ZNF827: variants seen among roughly 807,000 people sequenced by gnomAD.
ZNF827 encodes the protein zinc finger protein 827.
Under a neutral mutation model 102.4 loss-of-function variants are expected in ZNF827, and 13 were observed. The ratio of observed to expected loss-of-function variants is 0.13; its 90% confidence interval spans 0.08 to 0.20. ZNF827 has a LOEUF of 0.20. Among genes scored for constraint, ZNF827 ranks in the 10% least tolerant of loss-of-function variants. ZNF827 has a pLI of 1.00. For synonymous variants in ZNF827, 523 were observed against 536.2 expected (o/e 0.98, Z 0.34); for missense variants, 1,103 against 1,344.4 (o/e 0.82, Z 2.81).
At position 145,891,952 on chromosome 4, in the gene ZNF827, G is replaced by A. The variant is rs11727355; in HGVS notation, c.1266+291C>T. Among the ~76,000 whole-genome samples, 665 of 152,304 alleles carry A rather than the reference G, an allele frequency of 4.4e-3. 3 individuals carry two copies. Among genetic ancestry groups the A allele is most frequent in the Non-Finnish European group, 6.4e-3 (433 of 68,024 alleles). ...TGCCTCTGAGTGCCCCAAGAAATGC[G>A]TCAGCACACAGGCCAGGCAGGCTGT... On this transcript the variant is annotated intron_variant, in intron 3 of 14. Coordinates refer to ENST00000508784, the MANE Select transcript of ZNF827 (RefSeq NM_001306215.2).
chr4:145,918,919 A>G (rs1182120072), intron 1 of ZNF827, among the ~76,000 whole-genome samples: 1 of 152,194 alleles, frequency 6.6e-6, no homozygotes, highest in East Asian at 1.9e-4. Flanking sequence ...TTATCCAATC[A>G]TCTTACTGGG....
intron 5 of ZNF827, among the ~76,000 whole-genome samples, chr4:145,860,900 C>T (rs538707629): frequency 9.0e-4 from 137 of 152,312 alleles, no homozygotes; most frequent in African/African-American, 3.2e-3. Flanking sequence ...AATTTCTATT[C>T]TTGGGCTAAT....
chr4:145,902,623 G>A lies in ZNF827; in HGVS notation c.636C>T (p.Ile212=). The A allele has an allele frequency of 6.2e-7, 1 of 1,614,104 alleles. No individual in the cohort carries two copies. The highest frequency in any genetic ancestry group is 8.5e-7 in the Non-Finnish European group (1 of 1,180,016). ...CATTGGCTGCAGCTTTCAGTTTTAG[G>A]ATGGCTGAATCCGGAGACAAGCTGC... is the stretch of plus-strand genomic sequence containing the variant. The part of the protein sequence containing the change: ...TTCSLSPDSA[I]LKLKAAANAV... The change falls in exon 2 of 15, where the codon ATC becomes ATT. Residue 212 remains isoleucine, a synonymous_variant. Coordinates refer to ENST00000508784, the MANE Select transcript of ZNF827 (RefSeq NM_001306215.2). This position sits in a 1 kb window ranked among gnomAD's most constrained non-coding sequence, Gnocchi z 4.3.
intron 8 of ZNF827, among the ~76,000 whole-genome samples, chr4:145,793,419 G>A (rs773965802): frequency 1.8e-5 from 2 of 112,378 alleles, no homozygotes; most frequent in Non-Finnish European, 3.8e-5. Flanking sequence ...GAGGACCAAG[G>A]AGAGCCAGTC....
At chr4:145,917,857 A>G (rs1012609387) in intron 1 of ZNF827, among the ~76,000 whole-genome samples, 2 of 152,092 alleles carry the variant, frequency 1.3e-5, no homozygotes, top group African/African-American at 2.4e-5. Flanking sequence ...GAATAAAAAC[A>G]CCACTTCTTT....
chr4:145,932,727 G>T (rs1753904737), intron 1 of ZNF827, among the ~76,000 whole-genome samples: 1 of 152,168 alleles, frequency 6.6e-6, no homozygotes, highest in Non-Finnish European at 1.5e-5. Flanking sequence ...ACCCGCCTCG[G>T]CCTCCCAAAG....
intron 7 of ZNF827, among the ~76,000 whole-genome samples, chr4:145,828,885 G>T (rs1317907954): frequency 6.6e-6 from 1 of 152,142 alleles, no homozygotes; most frequent in African/African-American, 2.4e-5. Flanking sequence ...TTTGCTAAGT[G>T]CCTATTGTGA....
intron 7 of ZNF827, among the ~76,000 whole-genome samples, chr4:145,837,870 T>TACC (rs369499741): frequency 9.2e-4 from 139 of 151,830 alleles, no homozygotes; most frequent in African/African-American, 2.8e-3. Context: ...TATCACCCCT[T>TACC]ACAAGACCTC....
Position 145,869,973 on chromosome 4 carries a change from A to C in ZNF827, c.1981+272T>G, listed in dbSNP as rs140076216. ...TAGAACCCATTTAAAATTATGGCCT[A>C]TATCACCTTAGAAAGCAGCAGTGGT... On this transcript the variant is annotated intron_variant, in intron 5 of 14. Transcript: ENST00000508784. Among the ~76,000 whole-genome samples, 931 of 152,326 alleles carry C rather than the reference A, an allele frequency of 6.1e-3. 5 individuals are homozygous for C. The highest frequency in any genetic ancestry group is 0.021 in the African/African-American group (854 of 41,574).
chr4:145,903,178 A>C lies in ZNF827; in HGVS notation c.81T>G (p.Ser27Arg). 1.2e-6 allele frequency: 2 copies of C among 1,613,484 alleles called. No homozygotes were observed. The highest frequency in any genetic ancestry group is 1.7e-6 in the Non-Finnish European group (2 of 1,179,526). Residue 27 changes from serine to arginine, a missense_variant, in exon 2 of 15, where the codon AGT becomes AGG. By Grantham distance (110) the Ser-to-Arg change is moderately radical. Around this residue, in one of 5 missense-constraint regions of ZNF827, gnomAD observed 441 missense variants for 458.6 expected, o/e 0.96. Transcript: ENST00000508784. ...SRQEEAEGEL[S>R]EGEHWYGNSS... Reference sequence around the variant, plus strand: ...AGTTTCCATACCAGTGTTCTCCTTCACTGAGCTCTCCCTCCGCCTCTTCCT... The same window carrying C: ...AGTTTCCATACCAGTGTTCTCCTTCCCTGAGCTCTCCCTCCGCCTCTTCCT...
At chr4:145,862,713 T>C (rs998304218) in intron 5 of ZNF827, among the ~76,000 whole-genome samples, 2 of 152,230 alleles carry the variant, frequency 1.3e-5, no homozygotes, top group African/African-American at 4.8e-5. Flanking sequence ...TCCACTCCAC[T>C]GAGGTATTAT....
At chr4:145,808,406 C>A (rs528505014) in intron 8 of ZNF827, among the ~76,000 whole-genome samples, 1 of 152,246 alleles carries the variant, frequency 6.6e-6, no homozygotes, top group East Asian at 1.9e-4. Context: ...GGACCCTCCC[C>A]CATCATGAAT....
chr4:145,890,944 A>G (rs1750543110), intron 3 of ZNF827, among the ~76,000 whole-genome samples: 1 of 152,360 alleles, frequency 6.6e-6, no homozygotes, highest in Middle Eastern at 3.4e-3. Context: ...TCCTAAAGTC[A>G]GTAGAGGTTC....
intron 13 of ZNF827, among the ~76,000 whole-genome samples, chr4:145,764,366 G>A (rs1003856424): frequency 6.6e-6 from 1 of 152,172 alleles, no homozygotes; most frequent in East Asian, 1.9e-4. Flanking sequence ...CAGACACACA[G>A]TACGTTTGAT....
In ZNF827 at chr4:145,761,366, C is replaced by T. The variant is rs931460983; in HGVS notation, c.*250G>A. The T allele has an allele frequency of 3.1e-6, 4 of 1,289,902 alleles. No individual in the cohort carries two copies. The highest frequency in any genetic ancestry group is 4.0e-6 in the Non-Finnish European group (4 of 988,896). 79.9% of individuals were successfully genotyped at this position (1,289,902 alleles called of 1,614,324 possible). ...TGGTCACAGTGGAAGGGCCGCTCCC[C>T]GGTGTGGACGCGCACGTGCTCGATG... On this transcript the variant is annotated 3_prime_UTR_variant, in exon 15 of 15. Transcript: ENST00000508784. This position sits in a 1 kb window ranked among gnomAD's most constrained non-coding sequence, Gnocchi z 6.8.
intron 8 of ZNF827, among the ~76,000 whole-genome samples, chr4:145,805,446 T>A (rs1347388747): frequency 6.6e-6 from 1 of 152,126 alleles, no homozygotes; most frequent in Non-Finnish European, 1.5e-5. Flanking sequence ...AGAAAAATAT[T>A]GGGCAACACT....
chr4:145,850,830 C>T (rs1220996109), intron 5 of ZNF827, among the ~76,000 whole-genome samples: 1 of 152,022 alleles, frequency 6.6e-6, no homozygotes, highest in Non-Finnish European at 1.5e-5. Flanking sequence ...AATTGTGGTC[C>T]CCCAAAAGAA....
At position 145,842,207 on chromosome 4, in the gene ZNF827, T is replaced by C. The variant is rs886241144; in HGVS notation, c.2279+3749A>G. Among the ~76,000 whole-genome samples, 7 of 152,192 alleles carry C rather than the reference T, an allele frequency of 4.6e-5. 1 individual carries two copies. The highest frequency in any genetic ancestry group is 2.6e-4 in the Admixed American group (4 of 15,286). On this transcript the variant is annotated intron_variant, in intron 7 of 14. Coordinates refer to ENST00000508784, the MANE Select transcript of ZNF827 (RefSeq NM_001306215.2). Reference sequence around the variant, plus strand: ...CTTCACCTAAACCCCTTTAAAAAAATTGCCAGCAAAGAATACTGTCTCCCA... The same window carrying C: ...CTTCACCTAAACCCCTTTAAAAAAACTGCCAGCAAAGAATACTGTCTCCCA...
chr4:145,775,049 G>A (rs1040245606), intron 10 of ZNF827, among the ~76,000 whole-genome samples: 3 of 152,096 alleles, frequency 2.0e-5, no homozygotes, highest in African/African-American at 7.2e-5. Flanking sequence ...TGATAAACTC[G>A]GAGAGCACCT....
Sources: allele counts gnomAD v4.1 joint callset (sites outside exome capture counted in the v4.1 genomes callset), GRCh38; gene constraint gnomAD v4.1.1; regional missense constraint gnomAD v4.1.1; non-coding constraint Gnocchi (gnomAD v3.1); transcripts MANE v1.5; gene names NCBI Gene and HGNC (gene_info 2026-07-23, HGNC 2026-07-21).